RGL4: variants seen among roughly 807,000 people sequenced by gnomAD.
The protein encoded by RGL4 is ral guanine nucleotide dissociation stimulator like 4.
RGL4 carries 41 observed loss-of-function variants against 49.6 expected under a neutral mutation model. The ratio of observed to expected loss-of-function variants is 0.83; its 90% CI spans 0.64 to 1.07. The LOEUF (loss-of-function observed/expected upper bound fraction) is 1.07. Among genes scored for constraint, RGL4 ranks in the 50% least tolerant of loss-of-function variants. The probability of loss-of-function intolerance (pLI) is 0.00; values close to 1 mark genes in which losing one functional copy is unlikely to be tolerated. For missense variants in RGL4, 610 were observed against 591.9 expected (o/e 1.03, Z -0.32); for synonymous variants, 255 against 238.0 (o/e 1.07, Z -0.66).
At chr22:23,696,181 C>T (rs773139611) in intron 6 of RGL4, 27 of 662,498 alleles carry the variant, frequency 4.1e-5, no homozygotes, top group Non-Finnish European at 5.7e-5. Context: ...TTTGGGGGCC[C>T]TGGGGAGCCA....
chr22:23,692,084 G>A lies in RGL4; in HGVS notation c.54G>A (p.Val18=), dbSNP rs1276906854. 7.4e-6 allele frequency: 12 copies of A among 1,614,164 alleles called. No individual in the cohort carries two copies. Among genetic ancestry groups the A allele is most frequent in the African/African-American group, 1.3e-5 (1 of 75,058 alleles). ...LPAAAVLSAQ[V]YSAVLQGLWE... is the part of the protein sequence containing the mutation. ...CAGCTGCAGTCTTGAGTGCCCAGGT[G>A]TACAGTGCTGTGCTCCAGGGCCTTT... The change falls in exon 1 of 11, where the codon GTG becomes GTA. Residue 18 remains valine (V), a synonymous_variant. Coordinates refer to ENST00000290691, the MANE Select transcript of RGL4 (RefSeq NM_153615.2).
intron 5 of RGL4, 133 bp downstream of exon 5, chr22:23,694,583 G>A: frequency 1.4e-6 from 1 of 690,430 alleles, no homozygotes; most frequent in East Asian, 2.7e-5. Context: ...GCCGGTGGCT[G>A]TGGTCACTAA....
At position 23,694,027 on chromosome 22, in the gene RGL4, C is replaced by T. The variant is rs530628752; in HGVS notation, c.912+53C>T. 1.4e-4 allele frequency: 206 copies of T among 1,495,304 alleles called. 1 individual carries two copies. The African/African-American group carries it at 2.2e-3, about 16-fold the overall frequency. 92.6% of individuals were successfully genotyped at this position (1,495,304 alleles called of 1,614,324 possible). Reference sequence around the variant, plus strand: ...CCTCTTTAAAAATGGGGAACTTCCTCTTCTCCTCCATCGGCTTTCAGGATC... The same window carrying T: ...CCTCTTTAAAAATGGGGAACTTCCTTTTCTCCTCCATCGGCTTTCAGGATC... On this transcript the variant is annotated intron_variant, in intron 4 of 10. Transcript: ENST00000290691.
chr22:23,696,760 G>A, intron 7 of RGL4, 72 bp downstream of exon 7: 2 of 1,367,424 alleles, frequency 1.5e-6, no homozygotes, highest in Admixed American at 2.0e-5. Flanking sequence ...CCAGCTGGAG[G>A]CCTCCATATC....
At chr22:23,695,089 A>G in intron 6 of RGL4, 70 bp downstream of exon 6, 1 of 1,175,550 alleles carries the variant, frequency 8.5e-7, no homozygotes, top group Non-Finnish European at 1.3e-6. Context: ...TTGGAAGGGC[A>G]TTGGACCAGG....
Position 23,692,137 on chromosome 22 carries a change from G to C in RGL4, c.107G>C (p.Gly36Ala). 1 of 1,614,182 alleles carries C rather than the reference G, an allele frequency of 6.2e-7. No homozygotes were observed. The highest frequency in any genetic ancestry group is 8.5e-7 in the Non-Finnish European group (1 of 1,180,020). Residue 36 changes from glycine (G) to alanine (A), a missense_variant, in exon 1 of 11, where the codon GGG (glycine) becomes GCG (alanine). Coordinates refer to ENST00000290691, the MANE Select transcript of RGL4 (RefSeq NM_153615.2). ...LWEENVCGTP[G>A]RTRVCTALLY... ...GAAGAGAATGTCTGTGGGACGCCAG[G>C]GCGCACGAGGGTCTGTACAGCCCTG...
intron 3 of RGL4, 46 bp from the exon 4 acceptor site, chr22:23,693,713 G>A (rs765118574): frequency 2.0e-6 from 3 of 1,485,010 alleles, no homozygotes; most frequent in East Asian, 2.3e-5. Flanking sequence ...GGGTGACTCT[G>A]AGCTGCAGTG....
intron 6 of RGL4, chr22:23,695,370 G>A: frequency 2.1e-6 from 1 of 482,378 alleles, no homozygotes; most frequent in Non-Finnish European, 4.0e-6. Context: ...CAGGCTGGAG[G>A]GTGATCATGG....
intron 7 of RGL4, 104 bp downstream of exon 7, chr22:23,696,792 C>A: frequency 1.0e-6 from 1 of 965,188 alleles, no homozygotes; most frequent in Non-Finnish European, 1.5e-6. Context: ...GGCTTCCTCC[C>A]CAGCCCTGTC....
At position 23,698,325 on chromosome 22, in the gene RGL4, C is replaced by T. The variant is rs140848106; in HGVS notation, c.1374C>T (p.Asp458=). ...TYFTRMEQLS[D]KESYKLSCQL... The stretch of plus-strand genomic sequence containing the variant: ...TCACAAGAATGGAGCAGCTCAGTGA[C>T]AAAGAGAGGTGAGGGCCTAGCCCAT... Residue 458 remains aspartate (D), a synonymous_variant, in exon 10 of 11, where the codon GAC becomes GAT. Transcript: ENST00000290691. 50 of 1,603,124 alleles carry T rather than the reference C, an allele frequency of 3.1e-5. No individual in the cohort carries two copies. The African/African-American group carries it at 5.9e-4, about 19-fold the overall frequency.
Position 23,692,822 on chromosome 22 carries a change from C to T in RGL4, c.527C>T (p.Pro176Leu). ...CTACATTCAGCACCAGGGCCAGCACCAGCACCAGGGGAAGGGCCCCCTCCA... is the reference window on the plus strand; with the variant it reads ...CTACATTCAGCACCAGGGCCAGCACTAGCACCAGGGGAAGGGCCCCCTCCA... ...GYLHSAPGPA[P>L]APGEGPPPGT... is the part of the protein sequence containing the mutation. The change falls in exon 3 of 11, where the codon CCA becomes CTA. Residue 176 changes from proline (P) to leucine (L), a missense_variant. Physicochemically the swap from Pro to Leu is moderately conservative, Grantham distance 98. Transcript: ENST00000290691. 6.2e-7 allele frequency: 1 copy of T among 1,613,664 alleles called. No homozygotes were observed. Among genetic ancestry groups the T allele is most frequent in the Non-Finnish European group, 8.5e-7 (1 of 1,180,026 alleles).
In RGL4 at chr22:23,692,197, C is replaced by T. The variant is rs372406193; in HGVS notation, c.167C>T (p.Thr56Ile). The change falls in exon 1 of 11, where the codon ACT (threonine) becomes ATT (isoleucine). Residue 56 changes from threonine (T) to isoleucine (I), a missense_variant. Coordinates refer to ENST00000290691, the MANE Select transcript of RGL4 (RefSeq NM_153615.2). ...YGQVCPFQDSTDGLRTITSIL... is the reference protein window; with the variant it reads ...YGQVCPFQDSIDGLRTITSIL... ...CAGGTCTGCCCCTTCCAGGACAGCA[C>T]TGATGGCTTACGGTAGGGTGGGGCT... 9 of 1,613,270 alleles carry T rather than the reference C, an allele frequency of 5.6e-6. No individual in the cohort carries two copies. The African/African-American group carries it at 1.2e-4, about 22-fold the overall frequency.
At position 23,699,075 on chromosome 22, in the gene RGL4, G is replaced by A. The variant is rs1415910664; in HGVS notation, c.*192G>A. On this transcript the variant is annotated 3_prime_UTR_variant, in exon 11 of 11. Transcript: ENST00000290691. Reference sequence around the variant, plus strand: ...CAGGATCAGGCCATGGGACTTTTGTGAGTCAGGCGGGAGACCATTTTATGT... The same window carrying A: ...CAGGATCAGGCCATGGGACTTTTGTAAGTCAGGCGGGAGACCATTTTATGT... 4 of 1,541,746 alleles carry A rather than the reference G, an allele frequency of 2.6e-6. No homozygotes were observed. The African/African-American group carries it at 4.1e-5, about 16-fold the overall frequency.
In RGL4 at chr22:23,694,130, C is replaced by T. The variant is rs139592267; in HGVS notation, c.912+156C>T. 4.5e-5 allele frequency: 34 copies of T among 761,090 alleles called. No homozygotes were observed. The African/African-American group carries it at 5.2e-4, about 12-fold the overall frequency. The allele number at this position is 761,090 out of a possible 1,614,324, so 47.1% of individuals were successfully genotyped here. A position where few individuals can be genotyped will look rare whatever the true frequency, so the allele number is the denominator to read the frequency against. ...AGAGCTTCACTCACCTTGACTCCCACGGCCCAGTGGTGGCTGCTCACTTCC... is the reference window on the plus strand; with the variant it reads ...AGAGCTTCACTCACCTTGACTCCCATGGCCCAGTGGTGGCTGCTCACTTCC... On this transcript the variant is annotated intron_variant, in intron 4 of 10. Coordinates refer to ENST00000290691, the MANE Select transcript of RGL4 (RefSeq NM_153615.2).
intron 4 of RGL4, 68 bp downstream of exon 4, chr22:23,694,042 C>T (rs1267524017): frequency 1.4e-6 from 2 of 1,402,120 alleles, no homozygotes; most frequent in Non-Finnish European, 2.0e-6. Flanking sequence ...CCTCCATCGG[C>T]TTTCAGGATC....
chr22:23,698,443 C>A, intron 10 of RGL4, 110 bp downstream of exon 10: 1 of 1,300,638 alleles, frequency 7.7e-7, no homozygotes, highest in Non-Finnish European at 1.1e-6. Flanking sequence ...CATCTCTGTT[C>A]ACTGCAACGT....
chr22:23,692,519 A>G lies in RGL4; in HGVS notation c.364A>G (p.Lys122Glu), dbSNP rs201205028. 91 of 1,613,510 alleles carry G rather than the reference A, an allele frequency of 5.6e-5. No individual in the cohort carries two copies. In the East Asian group the frequency reaches 1.9e-3, roughly 33 times the overall value. ...QLVLPEPNEA[K>E]PDDPAPRPGQ... ...GGTGCTTCCGGAGCCCAACGAGGCC[A>G]AGCCAGATGGTGAGGGGGCTTGCAG... Residue 122 changes from lysine to glutamate, a missense_variant, in exon 2 of 11, where the codon AAG (lysine) becomes GAG (glutamate). By Grantham distance (56) the Lys-to-Glu change is moderately conservative (BLOSUM62 1). Coordinates refer to ENST00000290691, the MANE Select transcript of RGL4 (RefSeq NM_153615.2).
At chr22:23,695,438 TCTGCTGCTGCTG>T (rs60344348) in intron 6 of RGL4, 285 of 548,512 alleles carry the variant, frequency 5.2e-4, no homozygotes, top group African/African-American at 1.9e-3. Context: ...AAGCCAGGCC[TCTGCTGCTGCTG>T]CTGCTGCTGC....
rs200567923 is a variant in RGL4, at chr22:23,698,965, G to A, written c.*82G>A. On this transcript the variant is annotated 3_prime_UTR_variant, in exon 11 of 11. Coordinates refer to ENST00000290691, the MANE Select transcript of RGL4 (RefSeq NM_153615.2). The stretch of plus-strand genomic sequence containing the variant: ...CTCTGCACCATCCCTCACCCAGACC[G>A]TAGACACCAGGGAACCACATCTAGG... 33 of 1,575,212 alleles carry A rather than the reference G, an allele frequency of 2.1e-5. No homozygotes were observed. The Middle Eastern group carries it at 6.6e-4, about 32-fold the overall frequency.
Sources: allele counts gnomAD v4.1 joint callset, GRCh38; gene constraint gnomAD v4.1.1; transcripts MANE v1.5; gene names NCBI Gene and HGNC (gene_info 2026-07-23, HGNC 2026-07-21).